Variants in YPEL2 observed in about 807,000 individuals in gnomAD.
The protein encoded by YPEL2 is yippee like 2.
In YPEL2, 2 loss-of-function variants were observed where a neutral mutation model predicts 19.1. That is an observed-to-expected ratio of 0.10 (90% CI 0.04 to 0.33). The LOEUF is 0.33. Among genes scored for constraint, YPEL2 ranks in the 10% least tolerant of loss-of-function variants. The pLI is 1.00. For synonymous variants in YPEL2, 52 were observed against 50.0 expected (o/e 1.04, Z -0.17); for missense variants, 66 against 140.7 (o/e 0.47, Z 2.68).
intron 2 of YPEL2, among the ~76,000 whole-genome samples, chr17:59,360,159 C>T (rs2047833412): frequency 6.6e-6 from 1 of 152,358 alleles, no homozygotes; most frequent in South Asian, 2.1e-4. Context: ...TCACTGCAAG[C>T]TCCGCTTCCC....
intron 1 of YPEL2, among the ~76,000 whole-genome samples, chr17:59,336,121 G>T (rs895685801): frequency 1.3e-5 from 2 of 152,190 alleles, no homozygotes; most frequent in African/African-American, 4.8e-5. Context: ...GGTTGAATGC[G>T]TGAATGACCA....
At chr17:59,338,559 G>A (rs9889307) in intron 1 of YPEL2, among the ~76,000 whole-genome samples, 35,626 of 152,082 alleles carry the variant, frequency 0.23, 4,362 homozygotes, top group East Asian at 0.41. Flanking sequence ...ATTCCATGGG[G>A]AACAGTTGTG....
rs112991055 is a variant in YPEL2 at position 59,353,720 on chromosome 17, T to C, written c.117+194T>C. On this transcript the variant is annotated intron_variant, in intron 2 of 4. Coordinates refer to ENST00000312655, the MANE Select transcript of YPEL2 (RefSeq NM_001005404.4). This position sits in a 1 kb window ranked among gnomAD's most constrained non-coding sequence, Gnocchi z 4.8. ...GACAGAGTAGTCATTTAATTTGTTA[T>C]TTTGGAAATGAGGTGTCATCCTTGT... The C allele has an allele frequency of 2.0e-5, 12 of 595,146 alleles. No homozygotes were observed. The highest frequency in any genetic ancestry group is 1.7e-4 in the African/African-American group (9 of 54,112). The allele number at this position is 595,146 out of a possible 1,614,324, so 36.9% of individuals were successfully genotyped here.
intron 2 of YPEL2, among the ~76,000 whole-genome samples, chr17:59,378,178 C>G (rs186483711): frequency 1.8e-4 from 28 of 152,214 alleles, no homozygotes; most frequent in Admixed American, 6.5e-4. Flanking sequence ...CTCTCTCTGT[C>G]CCATTCCCTA....
chr17:59,371,267 G>A (rs946759108), intron 2 of YPEL2, among the ~76,000 whole-genome samples: 3 of 152,176 alleles, frequency 2.0e-5, no homozygotes, highest in Non-Finnish European at 2.9e-5. Flanking sequence ...GGTCGGAGGT[G>A]GGCAGAATGC....
At position 59,358,515 on chromosome 17, in the gene YPEL2, A is replaced by G. The variant is rs544871263; in HGVS notation, c.117+4989A>G. Among the ~76,000 whole-genome samples the G allele has an allele frequency of 1.4e-4, 21 of 151,814 alleles. 1 individual carries two copies. The South Asian group carries it at 3.5e-3, about 26-fold the overall frequency. On this transcript the variant is annotated intron_variant, in intron 2 of 4. Coordinates refer to ENST00000312655, the MANE Select transcript of YPEL2 (RefSeq NM_001005404.4). ...GGGGCAGTGCTAAGGAAGTACCGAG[A>G]TCTGACCCATCCTGTCCACTCTACC...
intron 2 of YPEL2, among the ~76,000 whole-genome samples, chr17:59,374,938 T>A (rs1022923944): frequency 1.3e-5 from 2 of 152,158 alleles, no homozygotes; most frequent in Non-Finnish European, 2.9e-5. Context: ...AAACCTGATG[T>A]GGGAGAGATA....
Position 59,398,343 on chromosome 17 carries a change from T to C in YPEL2, c.*1153T>C, listed in dbSNP as rs141313096. ...TTTCGGGTGTTTTTCTCCAGTCTTG[T>C]TACTGTAGACTGTAGAAAGCACGGG... is the stretch of plus-strand genomic sequence containing the variant. On this transcript the variant is annotated 3_prime_UTR_variant, in exon 5 of 5. Transcript: ENST00000312655. The C allele has an allele frequency of 1.3e-5, 2 of 152,342 alleles. No individual in the cohort carries two copies. The highest frequency in any genetic ancestry group is 4.8e-5 in the African/African-American group (2 of 41,568). 9.4% of individuals were successfully genotyped at this position (152,342 alleles called of 1,614,324 possible).
At chr17:59,375,429 GTTTCTTAGCT>G (rs1468925047) in intron 2 of YPEL2, among the ~76,000 whole-genome samples, 1 of 152,170 alleles carries the variant, frequency 6.6e-6, no homozygotes, top group Non-Finnish European at 1.5e-5. Context: ...GGGATTTAGA[GTTTCTTAGCT>G]TTTACTTATT....
At chr17:59,394,209 C>G (rs1341106353) in intron 4 of YPEL2, among the ~76,000 whole-genome samples, 1 of 152,018 alleles carries the variant, frequency 6.6e-6, no homozygotes, top group Admixed American at 6.5e-5. Context: ...CCACCTCCCT[C>G]CCAGACAGGG....
chr17:59,344,837 A>T (rs931315490), intron 1 of YPEL2, among the ~76,000 whole-genome samples: 1 of 152,220 alleles, frequency 6.6e-6, no homozygotes, highest in Admixed American at 6.5e-5. Context: ...TGGTTATGAT[A>T]AATGATATTC....
At chr17:59,343,825 C>A (rs1457060696) in intron 1 of YPEL2, among the ~76,000 whole-genome samples, 1 of 152,112 alleles carries the variant, frequency 6.6e-6, no homozygotes, top group East Asian at 1.9e-4. Flanking sequence ...GTTTTATAAA[C>A]AGAATTCTAG....
intron 2 of YPEL2, among the ~76,000 whole-genome samples, chr17:59,360,779 G>A (rs998517892): frequency 1.3e-5 from 2 of 152,180 alleles, no homozygotes; most frequent in African/African-American, 4.8e-5. Context: ...TTCCTCCATA[G>A]GGGCAGAGAT....
rs189827497 is a variant in YPEL2 at position 59,376,380 on chromosome 17, G to A, written c.118-11947G>A. On this transcript the variant is annotated intron_variant, in intron 2 of 4. Coordinates refer to ENST00000312655, the MANE Select transcript of YPEL2 (RefSeq NM_001005404.4). ...ATTACAGGCACCCGCCACCACATCCGGCTAATTTTTGTATTTTTGATAGAG... is the reference window on the plus strand; with the variant it reads ...ATTACAGGCACCCGCCACCACATCCAGCTAATTTTTGTATTTTTGATAGAG... Among the ~76,000 whole-genome samples the A allele has an allele frequency of 3.2e-3, 482 of 152,224 alleles. 4 individuals carry two copies. Among genetic ancestry groups the A allele is most frequent in the Non-Finnish European group, 5.2e-3 (351 of 68,016 alleles).
At chr17:59,370,330 TGGGATTACA>T (rs920012767) in intron 2 of YPEL2, among the ~76,000 whole-genome samples, 26 of 152,254 alleles carry the variant, frequency 1.7e-4, no homozygotes, top group Admixed American at 5.2e-4. Flanking sequence ...CCCAAAGTGC[TGGGATTACA>T]GGTGGGAGCC....
chr17:59,339,641 A>G (rs2047717726), intron 1 of YPEL2, among the ~76,000 whole-genome samples: 1 of 152,184 alleles, frequency 6.6e-6, no homozygotes, highest in African/African-American at 2.4e-5. Flanking sequence ...GACTGAGAAT[A>G]CACTTCCTCA....
intron 2 of YPEL2, among the ~76,000 whole-genome samples, chr17:59,367,449 G>A (rs2047876080): frequency 6.6e-6 from 1 of 152,118 alleles, no homozygotes; most frequent in Non-Finnish European, 1.5e-5. Context: ...CGCTTTGCTG[G>A]ACATAGGGTC....
At chr17:59,388,540 T>C (rs557464512) in intron 3 of YPEL2, among the ~76,000 whole-genome samples, 170 bp downstream of exon 3, 20 of 152,302 alleles carry the variant, frequency 1.3e-4, no homozygotes, top group African/African-American at 4.8e-4. Context: ...GAACATTTCT[T>C]GCCAACATCT....
intron 1 of YPEL2, among the ~76,000 whole-genome samples, chr17:59,336,522 A>G (rs748064843): frequency 2.6e-5 from 4 of 152,190 alleles, no homozygotes; most frequent in Non-Finnish European, 4.4e-5. Flanking sequence ...GACCTTGGCA[A>G]TCTACTAAAA....
Sources: gnomAD v4.1 joint callset for allele counts (sites outside exome capture counted in the v4.1 genomes callset) on GRCh38, gnomAD v4.1.1 for gene constraint, Gnocchi (gnomAD v3.1) non-coding constraint, MANE v1.5 for transcripts, NCBI Gene and HGNC (gene_info 2026-07-23, HGNC 2026-07-21) for gene names.